Variants in LEPR observed in about 807,000 individuals in gnomAD.
The protein encoded by LEPR is OB receptor.
Under a neutral mutation model 114.7 loss-of-function variants are expected in LEPR, and 56 were observed. The ratio of observed to expected loss-of-function variants is 0.49; its 90% CI spans 0.39 to 0.61. LEPR has a LOEUF of 0.61. LEPR is among the 20% of genes least tolerant of loss of function. The pLI is 0.00. For synonymous variants in LEPR, 443 were observed against 461.4 expected, an observed-to-expected ratio of 0.96 and a Z score of 0.51; for missense variants, 1,202 against 1,352.9, an observed-to-expected ratio of 0.89 and a Z score of 1.75.
At chr1:65,519,036 T>A (rs1190969624) in intron 2 of LEPR, among the ~76,000 whole-genome samples, 1 of 150,700 alleles carries the variant, frequency 6.6e-6, no homozygotes, top group African/African-American at 2.4e-5. Flanking sequence ...TTTCTTCTTT[T>A]CTTTTCTTTC....
At chr1:65,477,590 A>G (rs1235115099) in intron 2 of LEPR, among the ~76,000 whole-genome samples, 1 of 152,222 alleles carries the variant, frequency 6.6e-6, no homozygotes, top group Non-Finnish European at 1.5e-5. Flanking sequence ...AGGCACTTGC[A>G]ACACCAAAGG....
rs540708884 is a variant in LEPR at position 65,448,881 on chromosome 1, C to T, written c.-21+23503C>T. The stretch of plus-strand genomic sequence containing the variant: ...GGATCTGTAATGATGTTCCCTCTAT[C>T]CTTTCTTGCTTTGTTGTTGTTGTTG... On this transcript the variant is annotated intron_variant, in intron 2 of 19. Coordinates refer to ENST00000349533, the MANE Select transcript of LEPR (RefSeq NM_002303.6). 8.5e-5 allele frequency among the ~76,000 whole-genome samples: 13 copies of T among 152,208 alleles called. No individual in the cohort carries two copies. In the Middle Eastern group the frequency reaches 0.01, roughly 119 times the overall value.
chr1:65,550,525 T>G (rs1570670172), intron 2 of LEPR, among the ~76,000 whole-genome samples: 1 of 152,294 alleles, frequency 6.6e-6, no homozygotes, highest in South Asian at 2.1e-4. Context: ...CCATGGCGGG[T>G]GCCCCTGCCC....
Position 65,570,788 on chromosome 1 carries a change from T to C in LEPR, c.356T>C (p.Val119Ala). The stretch of plus-strand genomic sequence containing the variant: ...TTTGTTTCAACAGTAAATTCTTTAG[T>C]TTTTCAACAAATAGGTAAGCATTAG... ...KTFVSTVNSL[V>A]FQQIDANWNI... The change falls in exon 4 of 20, where the codon GTT becomes GCT. Residue 119 changes from valine to alanine, a missense_variant. Transcript: ENST00000349533. 6.4e-7 allele frequency: 1 copy of C among 1,557,376 alleles called. No individual in the cohort carries two copies. The highest frequency in any genetic ancestry group is 8.7e-7 in the Non-Finnish European group (1 of 1,153,484).
At chr1:65,550,693 T>A (rs1222982511) in intron 2 of LEPR, among the ~76,000 whole-genome samples, 1 of 152,076 alleles carries the variant, frequency 6.6e-6, no homozygotes, top group Non-Finnish European at 1.5e-5. Flanking sequence ...CAGGTGGGAG[T>A]GACCCGATTT....
At position 65,628,657 on chromosome 1, in the gene LEPR, AT is replaced by A. The variant is rs1278823491; in HGVS notation, c.2673+5678del. Reference sequence around the variant, plus strand: ...CATTTGGACTGGTCTGTAGTATTCCATTATACAAACATAGCACAATTCATTT... The same window carrying A: ...CATTTGGACTGGTCTGTAGTATTCCATATACAAACATAGCACAATTCATTT... On this transcript the variant is annotated intron_variant, in intron 19 of 19. Coordinates refer to ENST00000349533, the MANE Select transcript of LEPR (RefSeq NM_002303.6). Among the ~76,000 whole-genome samples the A allele has an allele frequency of 1.6e-4, 24 of 152,292 alleles. 1 individual carries two copies. In the East Asian group the frequency reaches 4.2e-3, roughly 27 times the overall value.
chr1:65,593,814 G>C (rs913561174), intron 6 of LEPR, among the ~76,000 whole-genome samples: 1 of 152,018 alleles, frequency 6.6e-6, no homozygotes, highest in Non-Finnish European at 1.5e-5. Context: ...CAATTCAATC[G>C]TGAAGTTATA....
At chr1:65,547,275 G>T (rs1233846277) in intron 2 of LEPR, among the ~76,000 whole-genome samples, 52 of 152,056 alleles carry the variant, frequency 3.4e-4, no homozygotes, top group South Asian at 1.0e-3. Flanking sequence ...TCTCTTTTTT[G>T]GTTGTGTCTC....
chr1:65,510,083 C>G (rs1292418080), intron 2 of LEPR, among the ~76,000 whole-genome samples: 2 of 152,152 alleles, frequency 1.3e-5, no homozygotes, highest in African/African-American at 4.8e-5. Flanking sequence ...ACTATGTTTT[C>G]CACTATGTGG....
chr1:65,509,210 G>C (rs955632883), intron 2 of LEPR, among the ~76,000 whole-genome samples: 1 of 152,008 alleles, frequency 6.6e-6, no homozygotes, highest in Non-Finnish European at 1.5e-5. Flanking sequence ...CTCTGGCTAG[G>C]ACTTCCCGTA....
intron 2 of LEPR, among the ~76,000 whole-genome samples, chr1:65,532,244 C>G (rs919757035): frequency 1.3e-5 from 2 of 152,156 alleles, no homozygotes; most frequent in African/African-American, 4.8e-5. Flanking sequence ...GGGGCAACTT[C>G]TCCATGTAAT....
In LEPR at chr1:65,625,055, T is replaced by G. The variant is rs377200224; in HGVS notation, c.2673+2074T>G. 3.9e-5 allele frequency among the ~76,000 whole-genome samples: 6 copies of G among 152,206 alleles called. No homozygotes were observed. In the East Asian group the frequency reaches 9.6e-4, roughly 24 times the overall value. On this transcript the variant is annotated intron_variant, in intron 19 of 19. Coordinates refer to ENST00000349533, the MANE Select transcript of LEPR (RefSeq NM_002303.6). ...GAGTTTTTCAAGTAAATATTTTTTC[T>G]CTCATTTATCTTTTACTAAGAATTT...
Position 65,488,210 on chromosome 1 carries a change from T to TTCTTTCTC in LEPR, c.-21+62835_-21+62836insTTCTCTCT, listed in dbSNP as rs1557620199. On this transcript the variant is annotated intron_variant, in intron 2 of 19. Transcript: ENST00000349533. ...TTTCTTTCTTTCTTTCTTTCTTTCT[T>TTCTTTCTC]TCTCTCTCTCTCTCTCTCTTTCTTT... 2.4e-3 allele frequency among the ~76,000 whole-genome samples: 61 copies of TTCTTTCTC among 25,864 alleles called. 1 individual carries two copies. The highest frequency in any genetic ancestry group is 7.7e-3 in the African/African-American group (43 of 5,590). 17.0% of individuals were successfully genotyped at this position (25,864 alleles called of 152,430 possible). A position where few individuals can be genotyped will look rare whatever the true frequency, so the allele number is the denominator to read the frequency against.
chr1:65,616,189 A>G lies in LEPR; in HGVS notation c.2177A>G (p.Asn726Ser), dbSNP rs1324766976. The part of the protein sequence containing the change: ...AINSIGASVA[N>S]FNLTFSWPMS... ...AATTCAATTGGTGCTTCTGTTGCAA[A>G]TTTTAATTTAACCTTTTCATGGCCT... The change falls in exon 15 of 20, where the codon AAT (asparagine) becomes AGT (serine). Residue 726 changes from asparagine (N) to serine (S), a missense_variant. By Grantham distance (46) the Asn-to-Ser change is conservative. Transcript: ENST00000349533. 2 of 1,614,072 alleles carry G rather than the reference A, an allele frequency of 1.2e-6. No homozygotes were observed. Among genetic ancestry groups the G allele is most frequent in the South Asian group, 1.1e-5 (1 of 91,074 alleles).
At position 65,633,902 on chromosome 1, in the gene LEPR, G is replaced by A. The variant is rs1011908066; in HGVS notation, c.2674-2289G>A. 1 of 985,354 alleles carries A rather than the reference G, an allele frequency of 1.0e-6. No homozygotes were observed. The highest frequency in any genetic ancestry group is 1.2e-6 in the Non-Finnish European group (1 of 829,904). The allele number at this position is 985,354 out of a possible 1,614,324, so 61.0% of individuals were successfully genotyped here. A position where few individuals can be genotyped will look rare whatever the true frequency, so the allele number is the denominator to read the frequency against. ...ATATCAGGATGACCCTACATACCCA[G>A]GTCAGATTGACGGGACCAGAAGGGA... On this transcript the variant is annotated intron_variant, in intron 19 of 19. Transcript: ENST00000349533. This position sits in a 1 kb window ranked among gnomAD's most constrained non-coding sequence, Gnocchi z 4.1.
chr1:65,616,809 T>C (rs1447818584), intron 15 of LEPR, among the ~76,000 whole-genome samples: 2 of 152,094 alleles, frequency 1.3e-5, no homozygotes, highest in African/African-American at 2.4e-5. Context: ...AGATTACATA[T>C]TCAAAGTGTA....
Position 65,507,510 on chromosome 1 carries a change from T to C in LEPR, c.-20-58036T>C, listed in dbSNP as rs186428909. ...GTATATATGTGTGTGTATATATATA[T>C]ACATATATATGTGTATATATATGTG... On this transcript the variant is annotated intron_variant, in intron 2 of 19. Transcript: ENST00000349533. Among the ~76,000 whole-genome samples the C allele has an allele frequency of 1.8e-3, 240 of 134,818 alleles. 1 individual carries two copies. In the Middle Eastern group the frequency reaches 0.023, roughly 13 times the overall value. The allele number at this position is 134,818 out of a possible 152,430, so 88.4% of individuals were successfully genotyped here.
intron 2 of LEPR, among the ~76,000 whole-genome samples, chr1:65,505,798 C>CT (rs1189082578): frequency 2.0e-5 from 3 of 147,688 alleles, no homozygotes; most frequent in Non-Finnish European, 4.5e-5. Flanking sequence ...TAAATTGTCT[C>CT]TTTACTGAAA....
chr1:65,466,432 A>G (rs1486420738), intron 2 of LEPR, among the ~76,000 whole-genome samples: 4 of 152,076 alleles, frequency 2.6e-5, no homozygotes, highest in Non-Finnish European at 5.9e-5. Context: ...GGGTAGCCTG[A>G]CCTTTCTGTC....
Sources: allele counts gnomAD v4.1 joint callset (sites outside exome capture counted in the v4.1 genomes callset), GRCh38; gene constraint gnomAD v4.1.1; non-coding constraint Gnocchi (gnomAD v3.1); transcripts MANE v1.5; gene names NCBI Gene and HGNC (gene_info 2026-07-23, HGNC 2026-07-21).